ANGPTL2: variants seen among roughly 807,000 people sequenced by gnomAD.
ANGPTL2 encodes the protein angiopoietin like 2.
ANGPTL2 carries 25 observed loss-of-function variants against 52.8 expected under a neutral mutation model. The ratio of observed to expected loss-of-function variants is 0.47; its 90% CI spans 0.35 to 0.66. The LOEUF (loss-of-function observed/expected upper bound fraction) is 0.66, where lower values mean the gene tolerates loss of function less well. Among genes scored for constraint, ANGPTL2 ranks in the 30% least tolerant of loss-of-function variants. ANGPTL2 has a pLI of 0.01. For missense variants in ANGPTL2, 546 were observed against 656.9 expected, an observed-to-expected ratio of 0.83 and a Z score of 1.84; for synonymous variants, 276 against 277.4, an observed-to-expected ratio of 1.00 and a Z score of 0.05.
At chr9:127,115,401 G>A (rs1009373900) in intron 1 of ANGPTL2, among the ~76,000 whole-genome samples, 3 of 152,026 alleles carry the variant, frequency 2.0e-5, no homozygotes, top group Admixed American at 6.6e-5. Context: ...TGCTGGTTGC[G>A]GTCTTATGTA....
intron 1 of ANGPTL2, among the ~76,000 whole-genome samples, chr9:127,114,943 A>G (rs1359407582): frequency 1.3e-5 from 2 of 152,240 alleles, no homozygotes; most frequent in African/African-American, 4.8e-5. Context: ...AGCTGTTGAA[A>G]TGTATGGTGT....
chr9:127,119,135 A>G (rs2055776189), intron 1 of ANGPTL2, among the ~76,000 whole-genome samples: 1 of 152,200 alleles, frequency 6.6e-6, no homozygotes, highest in African/African-American at 2.4e-5. Flanking sequence ...ACGTGGAACA[A>G]GTCAGCCAAC....
rs1374020602 is a variant in ANGPTL2, at chr9:127,094,860, G to A, written c.818-934C>T. Among the ~76,000 whole-genome samples the A allele has an allele frequency of 2.0e-5, 3 of 152,188 alleles. No individual in the cohort carries two copies. In the East Asian group the frequency reaches 5.8e-4, roughly 29 times the overall value. On this transcript the variant is annotated intron_variant, in intron 2 of 4. Transcript: ENST00000373425. ...TGGGCAGCCCAGTCAGAAGGAATGG[G>A]TGTTATACCACTGGTCTTTTAGCCC... is the stretch of plus-strand genomic sequence containing the variant.
At position 127,093,803 on chromosome 9, in the gene ANGPTL2, C is replaced by G; in HGVS notation, c.941G>C (p.Gly314Ala). ...QVWCDQRHDP[G>A]GWTVIQRRLD... The stretch of plus-strand genomic sequence containing the variant: ...GCGTCTCTGGATGACGGTCCAGCCC[C>G]CGGGGTCGTGTCTCTGGTCGCACCA... Residue 314 changes from glycine to alanine, a missense_variant, in exon 3 of 5, where the codon GGG (glycine) becomes GCG (alanine). This residue lies in a region of ANGPTL2 where 261 missense variants were observed against 361.0 expected (regional missense o/e 0.72). Transcript: ENST00000373425. The G allele has an allele frequency of 6.2e-7, 1 of 1,614,092 alleles. No individual in the cohort carries two copies. The highest frequency in any genetic ancestry group is 8.5e-7 in the Non-Finnish European group (1 of 1,180,018).
Position 127,088,908 on chromosome 9 carries a change from T to C in ANGPTL2, c.*31A>G. ...CGTGACCAGGGTGGGCTCCTGGCAATGGCCACGAGAGGTCAGGAGGGGGAG... is the reference window on the plus strand; with the variant it reads ...CGTGACCAGGGTGGGCTCCTGGCAACGGCCACGAGAGGTCAGGAGGGGGAG... On this transcript the variant is annotated 3_prime_UTR_variant, in exon 5 of 5. Transcript: ENST00000373425. 1 of 1,613,886 alleles carries C rather than the reference T, an allele frequency of 6.2e-7. No individual in the cohort carries two copies. The highest frequency in any genetic ancestry group is 8.5e-7 in the Non-Finnish European group (1 of 1,179,770).
chr9:127,096,985 C>T (rs1023826923), intron 2 of ANGPTL2, among the ~76,000 whole-genome samples: 10 of 152,178 alleles, frequency 6.6e-5, no homozygotes, highest in Admixed American at 5.2e-4. Context: ...GGTGTATGCA[C>T]CCAGGGGGTG....
intron 4 of ANGPTL2, 112 bp from the exon 5 acceptor site, chr9:127,089,250 C>A: frequency 1.7e-6 from 2 of 1,165,392 alleles, no homozygotes; most frequent in Non-Finnish European, 1.2e-6. Flanking sequence ...GGAGCAAGAA[C>A]GCTTGAAAGG....
intron 2 of ANGPTL2, 97 bp from the exon 3 acceptor site, chr9:127,094,023 C>A: frequency 7.2e-7 from 1 of 1,396,208 alleles, no homozygotes; most frequent in Non-Finnish European, 9.7e-7. Flanking sequence ...GTTGAGGCTC[C>A]AGCTGGGAGC....
chr9:127,117,214 T>G (rs564270697), intron 1 of ANGPTL2, among the ~76,000 whole-genome samples: 109 of 152,260 alleles, frequency 7.2e-4, no homozygotes, highest in African/African-American at 2.6e-3. Flanking sequence ...CTTCCCTCCC[T>G]CCTTCAGCTC....
chr9:127,090,390 G>A (rs921751155), intron 4 of ANGPTL2, among the ~76,000 whole-genome samples: 2 of 152,212 alleles, frequency 1.3e-5, no homozygotes, highest in Admixed American at 6.5e-5. Flanking sequence ...TAGAAGCCTC[G>A]GCAGCCCCTA....
chr9:127,108,634 C>T lies in ANGPTL2; in HGVS notation c.98G>A (p.Gly33Asp), dbSNP rs771374120. ...TAGGTAAATGAACTCTCTTGGCGAG[C>T]CCTCCTCAGTGCCCTCAAAACCGTC... ...QEDGFEGTEE[G>D]SPREFIYLNR... Residue 33 changes from glycine to aspartate, a missense_variant, in exon 2 of 5, where the codon GGC (glycine) becomes GAC (aspartate). Gly to Asp is a moderately conservative substitution (Grantham distance 94). Transcript: ENST00000373425. 1.9e-6 allele frequency: 3 copies of T among 1,613,736 alleles called. No homozygotes were observed. Among genetic ancestry groups the T allele is most frequent in the Admixed American group, 1.7e-5 (1 of 59,982 alleles).
At chr9:127,089,267 C>G in intron 4 of ANGPTL2, 129 bp from the exon 5 acceptor site, 1 of 927,006 alleles carries the variant, frequency 1.1e-6, no homozygotes, top group South Asian at 1.6e-5. Flanking sequence ...AAGGTGGACC[C>G]GTCTCCATGG....
intron 1 of ANGPTL2, among the ~76,000 whole-genome samples, chr9:127,118,784 G>A (rs1245027258): frequency 6.6e-6 from 1 of 152,226 alleles, no homozygotes; most frequent in Non-Finnish European, 1.5e-5. Flanking sequence ...TGTCAGTTGA[G>A]ACCATTCCAG....
chr9:127,108,131 C>A lies in ANGPTL2; in HGVS notation c.601G>T (p.Glu201Ter). 3 of 1,613,924 alleles carry A rather than the reference C, an allele frequency of 1.9e-6. No individual in the cohort carries two copies. The highest frequency in any genetic ancestry group is 2.5e-6 in the Non-Finnish European group (3 of 1,179,924). Reference sequence around the variant, plus strand: ...GAGGGCACCCTCTGGCAGTGCTCCTCAAGCTGCGCGATGATCTCTGATTGG... The same window carrying A: ...GAGGGCACCCTCTGGCAGTGCTCCTAAAGCTGCGCGATGATCTCTGATTGG... ...HNQSEIIAQL[E>*]EHCQRVPSAR... Residue 201 changes from glutamate to a stop codon, truncating the protein, a stop_gained, in exon 2 of 5, where the codon GAG (glutamate) becomes TAG (stop). Transcript: ENST00000373425. LOFTEE classifies it high-confidence loss of function.
chr9:127,089,002 T>C lies in ANGPTL2; in HGVS notation c.1419A>G (p.Gly473=), dbSNP rs1477324770. 1 of 1,614,032 alleles carries C rather than the reference T, an allele frequency of 6.2e-7. No homozygotes were observed. Among genetic ancestry groups the C allele is most frequent in the Non-Finnish European group, 8.5e-7 (1 of 1,180,034 alleles). Residue 473 remains glycine, a synonymous_variant, in exon 5 of 5, where the codon GGA becomes GGG. Transcript: ENST00000373425. ...CCACTTTCTTGAGTGAGTAAGAGCC[T>C]CCTCGGAACTCAGCCCAGTAGACTC... ...QDGVYWAEFR[G]GSYSLKKVVM...
At chr9:127,120,572 C>T (rs1011661201) in intron 1 of ANGPTL2, among the ~76,000 whole-genome samples, 2 of 152,190 alleles carry the variant, frequency 1.3e-5, no homozygotes, top group Non-Finnish European at 2.9e-5. Context: ...GCCTGCAATC[C>T]CAGCACTTCG....
chr9:127,116,486 C>T (rs961489057), intron 1 of ANGPTL2, among the ~76,000 whole-genome samples: 16 of 152,180 alleles, frequency 1.1e-4, no homozygotes, highest in African/African-American at 3.1e-4. Flanking sequence ...AGAGCAGAGG[C>T]GGGGAAGAGT....
intron 1 of ANGPTL2, among the ~76,000 whole-genome samples, chr9:127,114,004 C>T (rs1471907674): frequency 6.6e-6 from 1 of 152,236 alleles, no homozygotes; most frequent in Non-Finnish European, 1.5e-5. Context: ...TTTGAGTTCA[C>T]CCCAAAGGTT....
chr9:127,108,105 CGAGGGCACCCTCTGGCA>C lies in ANGPTL2; in HGVS notation c.610_626del (p.Cys204GlyfsTer36). ...GGGGTGGCTGGGGGACGGGCCTGGC[CGAGGGCACCCTCTGGCA>C]GTGCTCCTCAAGCTGCGCGATGATC... On this transcript the variant is annotated frameshift_variant, in exon 2 of 5. Coordinates refer to ENST00000373425, the MANE Select transcript of ANGPTL2 (RefSeq NM_012098.3). LOFTEE classifies it high-confidence loss of function. 2 of 1,612,598 alleles carry C rather than the reference CGAGGGCACCCTCTGGCA, an allele frequency of 1.2e-6. No individual in the cohort carries two copies. The highest frequency in any genetic ancestry group is 1.7e-6 in the Non-Finnish European group (2 of 1,179,218).
Sources: allele counts gnomAD v4.1 joint callset (sites outside exome capture counted in the v4.1 genomes callset), GRCh38; gene constraint gnomAD v4.1.1; regional missense constraint gnomAD v4.1.1; transcripts MANE v1.5; gene names NCBI Gene and HGNC (gene_info 2026-07-23, HGNC 2026-07-21).